The following TENT4A variants were observed in gnomAD, a reference collection of about 807,000 sequenced individuals.
TENT4A encodes the protein terminal nucleotidyltransferase 4A.
In TENT4A, 7 loss-of-function variants were observed where a neutral mutation model predicts 72.8. That is an observed-to-expected ratio of 0.10 (90% CI 0.05 to 0.18). TENT4A has a LOEUF of 0.18. Among genes scored for constraint, TENT4A ranks in the 10% least tolerant of loss-of-function variants. The pLI is 1.00. For synonymous variants in TENT4A, 456 were observed against 434.3 expected, an observed-to-expected ratio of 1.05 and a Z score of -0.62; for missense variants, 831 against 1,017.7, an observed-to-expected ratio of 0.82 and a Z score of 2.50.
chr5:6,738,989 G>T (rs1741656552), intron 3 of TENT4A, among the ~76,000 whole-genome samples: 1 of 152,210 alleles, frequency 6.6e-6, no homozygotes, highest in South Asian at 2.1e-4. Flanking sequence ...AAGAAGACAG[G>T]TGGGAGGACT....
At chr5:6,715,541 A>G (rs986153608) in intron 1 of TENT4A, among the ~76,000 whole-genome samples, 16 of 152,344 alleles carry the variant, frequency 1.1e-4, no homozygotes, top group African/African-American at 2.9e-4. Flanking sequence ...GTTGTATGTC[A>G]GTATTTTAAG....
intron 11 of TENT4A, 23 bp from the exon 12 acceptor site, chr5:6,752,850 G>A: frequency 6.2e-7 from 1 of 1,603,922 alleles, no homozygotes; most frequent in Non-Finnish European, 8.5e-7. Flanking sequence ...GGTACCCATG[G>A]CCGTCTCTCA....
chr5:6,746,274 T>G lies in TENT4A; in HGVS notation c.1306T>G (p.Phe436Val). 1 of 1,614,230 alleles carries G rather than the reference T, an allele frequency of 6.2e-7. No homozygotes were observed. The highest frequency in any genetic ancestry group is 8.5e-7 in the Non-Finnish European group (1 of 1,180,032). The change falls in exon 7 of 13, where the codon TTT becomes GTT. Residue 436 changes from phenylalanine to valine, a missense_variant. By Grantham distance (50) the Phe-to-Val change is conservative (BLOSUM62 -1). Around this residue, in one of 3 missense-constraint regions of TENT4A, gnomAD observed 197 missense variants for 399.6 expected, o/e 0.49. Transcript: ENST00000230859. ...AAACCTTGGAATGCTTCTTGTAGAA[T>G]TTTTTGAACTCTATGGGAGAAATTT... ...DENLGMLLVE[F>V]FELYGRNFNY...
At chr5:6,750,586 C>A in intron 10 of TENT4A, 83 bp downstream of exon 10, 1 of 1,327,416 alleles carries the variant, frequency 7.5e-7, no homozygotes, top group Non-Finnish European at 1.0e-6. Context: ...TTAAAATCTC[C>A]CCCTTGGTTT....
At position 6,748,461 on chromosome 5, in the gene TENT4A, C is replaced by T; in HGVS notation, c.1460-3C>T. ...AGGGTCTGACATAGCCTTTTTGCTG[C>T]AGGGAATGACGTTGGCCGGAGCTCC... On this transcript the variant is annotated splice_polypyrimidine_tract_variant and splice_region_variant and intron_variant, in intron 7 of 12. Coordinates refer to ENST00000230859, the MANE Select transcript of TENT4A (RefSeq NM_006999.6). 6.2e-7 allele frequency: 1 copy of T among 1,613,936 alleles called. No homozygotes were observed. Among genetic ancestry groups the T allele is most frequent in the Non-Finnish European group, 8.5e-7 (1 of 1,179,846 alleles).
intron 4 of TENT4A, among the ~76,000 whole-genome samples, 169 bp downstream of exon 4, chr5:6,740,021 A>G (rs1741715535): frequency 6.6e-6 from 1 of 152,210 alleles, no homozygotes; most frequent in Admixed American, 6.5e-5. Flanking sequence ...TTTTTGTTTC[A>G]TAGTCGTGAT....
Position 6,736,597 on chromosome 5 carries a change from G to A in TENT4A, c.717-913G>A, listed in dbSNP as rs28363342. Reference sequence around the variant, plus strand: ...TTAATCCCTTAAAGGAAAAGAGGACGACAGCACTTTTCCTGCAGTCATCTG... The same window carrying A: ...TTAATCCCTTAAAGGAAAAGAGGACAACAGCACTTTTCCTGCAGTCATCTG... On this transcript the variant is annotated intron_variant, in intron 1 of 12. Coordinates refer to ENST00000230859, the MANE Select transcript of TENT4A (RefSeq NM_006999.6). Among the ~76,000 whole-genome samples, 747 of 152,332 alleles carry A rather than the reference G, an allele frequency of 4.9e-3. 23 individuals are homozygous for A. Among genetic ancestry groups the A allele is most frequent in the East Asian group, 0.04 (205 of 5,180 alleles).
chr5:6,739,933 G>C lies in TENT4A; in HGVS notation c.1008+81G>C. On this transcript the variant is annotated intron_variant, in intron 4 of 12. Transcript: ENST00000230859. Reference sequence around the variant, plus strand: ...TGGTCACAGGATACGCCTGCGTCACGAGCTTGTGGTATTTTACACAGTTAT... The same window carrying C: ...TGGTCACAGGATACGCCTGCGTCACCAGCTTGTGGTATTTTACACAGTTAT... The C allele has an allele frequency of 3.6e-6, 5 of 1,378,140 alleles. No individual in the cohort carries two copies. In the South Asian group the frequency reaches 6.3e-5, roughly 17 times the overall value. 85.4% of individuals were successfully genotyped at this position (1,378,140 alleles called of 1,614,324 possible).
At chr5:6,714,726 CG>C in intron 1 of TENT4A, 27 bp downstream of exon 1, 1 of 1,157,924 alleles carries the variant, frequency 8.6e-7, no homozygotes, top group Non-Finnish European at 1.1e-6. Context: ...GCCGCGGGGG[CG>C]GGGGCGGGGC....
intron 1 of TENT4A, among the ~76,000 whole-genome samples, chr5:6,730,945 C>G (rs1035155541): frequency 6.6e-6 from 1 of 152,128 alleles, no homozygotes; most frequent in Non-Finnish European, 1.5e-5. Flanking sequence ...CAGTCATTCC[C>G]TCATTATGCT....
At chr5:6,750,277 G>A (rs564615036) in intron 9 of TENT4A, 54 bp from the exon 10 acceptor site, 20 of 1,484,538 alleles carry the variant, frequency 1.3e-5, no homozygotes, top group East Asian at 1.3e-4. Context: ...CTGCCGGGGC[G>A]GCTCCACGCC....
chr5:6,752,885 A>C lies in TENT4A; in HGVS notation c.2032A>C (p.Ile678Leu). Residue 678 changes from isoleucine to leucine, a missense_variant, in exon 12 of 13, where the codon ATA becomes CTA. Physicochemically the swap from Ile to Leu is conservative, Grantham distance 5. This residue lies in a region of TENT4A where 332 missense variants were observed against 324.3 expected (regional missense o/e 1.02). Coordinates refer to ENST00000230859, the MANE Select transcript of TENT4A (RefSeq NM_006999.6). ...ATTTTGTTCCTAGACCAGGTTTACT[A>C]TACCTCCACCGACCCTAGGGGTTGC... Reference protein sequence around the residue: ...MTTNNQTRFTIPPPTLGVAPV... With the variant: ...MTTNNQTRFTLPPPTLGVAPV... The C allele has an allele frequency of 6.2e-7, 1 of 1,613,714 alleles. No homozygotes were observed. Among genetic ancestry groups the C allele is most frequent in the East Asian group, 2.2e-5 (1 of 44,874 alleles).
rs1280817218 is a variant in TENT4A at position 6,742,433 on chromosome 5, G to A, written c.1009-57G>A. On this transcript the variant is annotated intron_variant, in intron 4 of 12. Transcript: ENST00000230859. ...TGTACAGCTTTGGCAGCATTTTGATGCCTGGCTGTGGAGAGTCCTGCATGT... is the reference window on the plus strand; with the variant it reads ...TGTACAGCTTTGGCAGCATTTTGATACCTGGCTGTGGAGAGTCCTGCATGT... The A allele has an allele frequency of 4.6e-6, 5 of 1,093,292 alleles. No homozygotes were observed. In the African/African-American group the frequency reaches 4.6e-5, roughly 10 times the overall value. The allele number at this position is 1,093,292 out of a possible 1,614,324, so 67.7% of individuals were successfully genotyped here.
chr5:6,737,778 C>T lies in TENT4A; in HGVS notation c.840+145C>T, dbSNP rs555247924. The T allele has an allele frequency of 2.9e-4, 249 of 865,542 alleles. No individual in the cohort carries two copies. In the African/African-American group the frequency reaches 3.9e-3, roughly 13 times the overall value. The allele number at this position is 865,542 out of a possible 1,614,324, so 53.6% of individuals were successfully genotyped here. A position where few individuals can be genotyped will look rare whatever the true frequency, so the allele number is the denominator to read the frequency against. On this transcript the variant is annotated intron_variant, in intron 2 of 12. Coordinates refer to ENST00000230859, the MANE Select transcript of TENT4A (RefSeq NM_006999.6). The stretch of plus-strand genomic sequence containing the variant: ...GTTCTCCAAGTGTGCTTTGAGAAGG[C>T]CTCCGTTGCCTGGAATGCATGGCCC...
rs755123608 is a variant in TENT4A at position 6,752,889 on chromosome 5, C to A, written c.2036C>A (p.Pro679His). Residue 679 changes from proline to histidine, a missense_variant, in exon 12 of 13, where the codon CCT becomes CAT. Coordinates refer to ENST00000230859, the MANE Select transcript of TENT4A (RefSeq NM_006999.6). ...TGTTCCTAGACCAGGTTTACTATAC[C>A]TCCACCGACCCTAGGGGTTGCTCCT... ...TTNNQTRFTI[P>H]PPTLGVAPVP... 6.8e-6 allele frequency: 11 copies of A among 1,613,812 alleles called. 1 individual carries two copies. The South Asian group carries it at 1.1e-4, about 16-fold the overall frequency.
chr5:6,731,098 T>C (rs1468405546), intron 1 of TENT4A, among the ~76,000 whole-genome samples: 3 of 152,230 alleles, frequency 2.0e-5, no homozygotes, highest in Admixed American at 6.5e-5. Flanking sequence ...TCTACAAAAT[T>C]GCAGGGTTAA....
chr5:6,731,022 G>T (rs906605952), intron 1 of TENT4A, among the ~76,000 whole-genome samples: 5 of 152,198 alleles, frequency 3.3e-5, no homozygotes, highest in African/African-American at 1.2e-4. Flanking sequence ...GACCCTATCA[G>T]TGCGATGTAG....
chr5:6,733,792 G>C (rs1741327103), intron 1 of TENT4A, among the ~76,000 whole-genome samples: 1 of 152,228 alleles, frequency 6.6e-6, no homozygotes, highest in African/African-American at 2.4e-5. Context: ...AGTTTGCGCT[G>C]GCGGCGTGGC....
chr5:6,744,098 G>A (rs564944589), intron 6 of TENT4A, among the ~76,000 whole-genome samples: 147 of 152,312 alleles, frequency 9.7e-4, no homozygotes, highest in African/African-American at 3.4e-3. Flanking sequence ...ATCAGTCCAA[G>A]CTCAGGGAAT....
Sources: gnomAD v4.1 joint callset for allele counts (sites outside exome capture counted in the v4.1 genomes callset) on GRCh38, gnomAD v4.1.1 for gene constraint, gnomAD v4.1.1 regional missense constraint, MANE v1.5 for transcripts, NCBI Gene and HGNC (gene_info 2026-07-23, HGNC 2026-07-21) for gene names.